The following C1QTNF3 variants were observed in gnomAD, a reference collection of about 807,000 sequenced individuals.
The protein encoded by C1QTNF3 is complement C1q tumor necrosis factor-related protein 3.
In C1QTNF3, 26 loss-of-function variants were observed where a neutral mutation model predicts 32.6. The ratio of observed to expected loss-of-function variants is 0.80; its 90% CI spans 0.58 to 1.11. The LOEUF (loss-of-function observed/expected upper bound fraction) is 1.11. Ranked by LOEUF, C1QTNF3 falls within the 50% of genes least tolerant of loss-of-function variation. The probability of loss-of-function intolerance (pLI) is 0.00; values close to 1 mark genes in which losing one functional copy is unlikely to be tolerated. For missense variants in C1QTNF3, 362 were observed against 398.2 expected, an observed-to-expected ratio of 0.91 and a Z score of 0.77; for synonymous variants, 155 against 146.0, an observed-to-expected ratio of 1.06 and a Z score of -0.44.
At chr5:34,127,714 A>G in the C1QTNF3 span, among the ~76,000 whole-genome samples, 1 of 151,714 alleles carries the variant, frequency 6.6e-6, no homozygotes, top group African/African-American at 2.4e-5. Context: ...CAGCCTCTCA[A>G]GTAGCTGGGA....
At chr5:34,141,810 T>A in the C1QTNF3 span, among the ~76,000 whole-genome samples, 1 of 152,128 alleles carries the variant, frequency 6.6e-6, no homozygotes, top group Non-Finnish European at 1.5e-5. Context: ...CTGGGTGCTT[T>A]CTTGCATTTG....
At position 34,028,762 on chromosome 5, in the gene C1QTNF3, G is replaced by A. The variant is rs762252653; in HGVS notation, c.692C>T (p.Pro231Leu). Residue 231 changes from proline to leucine, a missense_variant, in exon 4 of 6, where the codon CCA becomes CTA. By Grantham distance (98) the Pro-to-Leu change is moderately conservative. Transcript: ENST00000382065. Reference sequence around the variant, plus strand: ...CTATGTTTCCATCTCACCTGATACTGGGGCCCCAAATCTACCAGTCATGAC... The same window carrying A: ...CTATGTTTCCATCTCACCTGATACTAGGGCCCCAAATCTACCAGTCATGAC... Reference protein sequence around the residue: ...FDVMTGRFGAPVSGVYFFTFS... With the variant: ...FDVMTGRFGALVSGVYFFTFS... 1 of 1,604,814 alleles carries A rather than the reference G, an allele frequency of 6.2e-7. No individual in the cohort carries two copies. The highest frequency in any genetic ancestry group is 1.7e-5 in the Admixed American group (1 of 59,048).
intron 4 of C1QTNF3, among the ~76,000 whole-genome samples, chr5:34,025,409 A>G (rs1392422875): frequency 6.6e-6 from 1 of 152,220 alleles, no homozygotes; most frequent in Non-Finnish European, 1.5e-5. Context: ...GGAGACTAAA[A>G]CACCAGATGG....
At chr5:34,024,054 C>T (rs1303654193) in intron 4 of C1QTNF3, 46 bp from the exon 5 acceptor site, 8 of 1,462,010 alleles carry the variant, frequency 5.5e-6, no homozygotes, top group Non-Finnish European at 1.9e-6. Flanking sequence ...ACATGTTATA[C>T]ATTGAGGACC....
the C1QTNF3 span, among the ~76,000 whole-genome samples, chr5:34,052,142 A>T: frequency 6.6e-6 from 1 of 152,188 alleles, no homozygotes; most frequent in African/African-American, 2.4e-5. Context: ...CGTCTTAAAA[A>T]AAAATGTACT....
At chr5:34,129,978 T>C in the C1QTNF3 span, among the ~76,000 whole-genome samples, 1 of 152,114 alleles carries the variant, frequency 6.6e-6, no homozygotes, top group Admixed American at 6.5e-5. Flanking sequence ...TCCAAGCACA[T>C]TTTCTTAAAT....
the C1QTNF3 span, chr5:34,166,853 C>T: frequency 6.6e-6 from 1 of 151,444 alleles, no homozygotes; most frequent in Admixed American, 6.6e-5. Context: ...TGAAAACATA[C>T]CTAGATCATA....
the C1QTNF3 span, among the ~76,000 whole-genome samples, chr5:34,187,864 T>C: frequency 5.2e-5 from 8 of 152,402 alleles, no homozygotes; most frequent in African/African-American, 1.9e-4. Context: ...GCATAAGTAA[T>C]GAGGAGCCAA....
chr5:34,207,290 A>C, the C1QTNF3 span, among the ~76,000 whole-genome samples: 2 of 151,558 alleles, frequency 1.3e-5, no homozygotes, highest in Admixed American at 1.3e-4. Context: ...ATATATATAT[A>C]TATGTATATA....
chr5:34,028,298 T>G (rs1287396150), intron 4 of C1QTNF3, among the ~76,000 whole-genome samples: 1 of 152,172 alleles, frequency 6.6e-6, no homozygotes, highest in Non-Finnish European at 1.5e-5. Flanking sequence ...GTAAATGTAT[T>G]ACCTGCTCAA....
At chr5:34,178,021 C>A in the C1QTNF3 span, among the ~76,000 whole-genome samples, 1 of 149,300 alleles carries the variant, frequency 6.7e-6, no homozygotes, top group East Asian at 2.0e-4. Flanking sequence ...AATTCCAGCA[C>A]TTTGGGAGGC....
chr5:34,057,405 TAA>T, the C1QTNF3 span, among the ~76,000 whole-genome samples: 1 of 152,292 alleles, frequency 6.6e-6, no homozygotes, highest in South Asian at 2.1e-4. Context: ...GAAATAGTAA[TAA>T]AAAGAGTTTT....
At chr5:34,172,466 GCTTT>G in the C1QTNF3 span, among the ~76,000 whole-genome samples, 118 of 151,960 alleles carry the variant, frequency 7.8e-4, no homozygotes, top group African/African-American at 2.7e-3. Flanking sequence ...AACTAAACAT[GCTTT>G]CTTTATTCTG....
chr5:34,132,435 GTATATA>G, the C1QTNF3 span, among the ~76,000 whole-genome samples: 1,357 of 137,696 alleles, frequency 9.9e-3, 34 homozygotes, highest in African/African-American at 0.035. Flanking sequence ...GTATGTGTAT[GTATATA>G]TATATATATA....
At chr5:34,163,037 G>A in the C1QTNF3 span, among the ~76,000 whole-genome samples, 1 of 152,022 alleles carries the variant, frequency 6.6e-6, no homozygotes, top group African/African-American at 2.4e-5. Context: ...CTCATACAAT[G>A]GGCATTCCAC....
At chr5:34,230,511 C>T in the C1QTNF3 span, among the ~76,000 whole-genome samples, 2 of 152,046 alleles carry the variant, frequency 1.3e-5, no homozygotes, top group Non-Finnish European at 1.5e-5. Context: ...AAAAGTAAAA[C>T]AAAAAGACCA....
At chr5:34,138,183 C>T in the C1QTNF3 span, among the ~76,000 whole-genome samples, 1 of 152,164 alleles carries the variant, frequency 6.6e-6, no homozygotes, top group African/African-American at 2.4e-5. Context: ...AAATACATTG[C>T]TGTTGTTTAA....
chr5:34,211,628 G>A, the C1QTNF3 span, among the ~76,000 whole-genome samples: 3 of 145,786 alleles, frequency 2.1e-5, no homozygotes, highest in Non-Finnish European at 4.4e-5. Flanking sequence ...ACGTATGAGT[G>A]AGAACATCCG....
the C1QTNF3 span, among the ~76,000 whole-genome samples, chr5:34,071,726 A>T: frequency 1.3e-5 from 2 of 152,172 alleles, no homozygotes; most frequent in Non-Finnish European, 2.9e-5. Context: ...AGCATCAGTG[A>T]TCATCTACTG....
Sources: gnomAD v4.1 joint callset for allele counts (sites outside exome capture counted in the v4.1 genomes callset) on GRCh38, gnomAD v4.1.1 for gene constraint, MANE v1.5 for transcripts, NCBI Gene and HGNC (gene_info 2026-07-23, HGNC 2026-07-21) for gene names.